The following MAD1L1 variants were observed in gnomAD, a reference collection of about 807,000 sequenced individuals.
MAD1L1 encodes mitotic arrest deficient 1 like 1, also known as mitotic spindle assembly checkpoint protein MAD1.
A neutral mutation model predicts 96.9 loss-of-function variants in MAD1L1; 95 were observed. That is an observed-to-expected ratio of 0.98 (90% CI 0.83 to 1.16). MAD1L1 has a LOEUF of 1.16. Among genes scored for constraint, MAD1L1 ranks in the 50% most tolerant of loss-of-function variants. The pLI is 0.00. For synonymous variants in MAD1L1, 473 were observed against 396.6 expected, an observed-to-expected ratio of 1.19 and a Z score of -2.29; for missense variants, 1,007 against 954.4, an observed-to-expected ratio of 1.06 and a Z score of -0.73.
chr7:1,895,841 C>T (rs886151130), intron 18 of MAD1L1, among the ~76,000 whole-genome samples: 54 of 152,256 alleles, frequency 3.5e-4, no homozygotes, highest in Non-Finnish European at 6.3e-4. Flanking sequence ...CAGGACAGGC[C>T]GTGGTCCAGA....
chr7:1,841,885 G>A (rs2128633002), intron 18 of MAD1L1, among the ~76,000 whole-genome samples: 1 of 152,298 alleles, frequency 6.6e-6, no homozygotes, highest in Admixed American at 6.5e-5. Flanking sequence ...CATCTCTGCT[G>A]GGAATGAGGT....
intron 18 of MAD1L1, chr7:1,846,360 C>T (rs990311012): frequency 1.3e-5 from 2 of 152,696 alleles, no homozygotes; most frequent in Non-Finnish European, 2.9e-5. Flanking sequence ...GGGGGTCAGC[C>T]CTCACGGACA....
intron 16 of MAD1L1, among the ~76,000 whole-genome samples, chr7:1,952,223 G>A (rs555123145): frequency 6.6e-6 from 1 of 152,338 alleles, no homozygotes; most frequent in Admixed American, 6.5e-5. Flanking sequence ...CGGCTGCCGG[G>A]AATCTGTGGA....
At chr7:1,881,551 C>A (rs1212005615) in intron 18 of MAD1L1, among the ~76,000 whole-genome samples, 3 of 152,182 alleles carry the variant, frequency 2.0e-5, no homozygotes, top group Admixed American at 6.5e-5. Context: ...GAGGAGCTGG[C>A]TAAATGTCCT....
At chr7:2,104,251 C>T (rs973322545) in intron 11 of MAD1L1, among the ~76,000 whole-genome samples, 7 of 152,354 alleles carry the variant, frequency 4.6e-5, no homozygotes, top group Non-Finnish European at 7.3e-5. Flanking sequence ...TGTGCACTGG[C>T]GGAGGCTGCT....
intron 18 of MAD1L1, among the ~76,000 whole-genome samples, chr7:1,872,051 A>T (rs1318988176): frequency 6.6e-6 from 1 of 152,098 alleles, no homozygotes; most frequent in African/African-American, 2.4e-5. Flanking sequence ...GCTCCTGCTG[A>T]CAGATACAGG....
At chr7:2,187,851 T>G (rs991194548) in intron 10 of MAD1L1, among the ~76,000 whole-genome samples, 3 of 152,218 alleles carry the variant, frequency 2.0e-5, no homozygotes, top group Non-Finnish European at 2.9e-5. Flanking sequence ...TGGTAGACAT[T>G]TTCTCAAAAA....
chr7:2,068,077 T>G (rs1385588664), intron 12 of MAD1L1, among the ~76,000 whole-genome samples: 2 of 152,212 alleles, frequency 1.3e-5, no homozygotes, highest in African/African-American at 4.8e-5. Flanking sequence ...CAGGGCTGGG[T>G]GTCCCCTCTG....
chr7:2,091,582 T>C (rs745651771), intron 11 of MAD1L1, among the ~76,000 whole-genome samples: 3 of 152,212 alleles, frequency 2.0e-5, no homozygotes, highest in Non-Finnish European at 4.4e-5. Flanking sequence ...GAGACCATAC[T>C]GGCTAACAGG....
intron 16 of MAD1L1, among the ~76,000 whole-genome samples, chr7:1,953,498 A>G (rs986075712): frequency 6.6e-6 from 1 of 152,236 alleles, no homozygotes; most frequent in African/African-American, 2.4e-5. Context: ...ATGAGGCCAC[A>G]TCGAGGAACG....
intron 15 of MAD1L1, among the ~76,000 whole-genome samples, chr7:1,971,831 G>A (rs569087471): frequency 7.1e-4 from 108 of 152,280 alleles, no homozygotes; most frequent in Non-Finnish European, 1.1e-3. Context: ...GACACCACAA[G>A]CTCCCCAGGT....
chr7:2,069,747 A>C (rs1375886756), intron 11 of MAD1L1, among the ~76,000 whole-genome samples: 1 of 152,214 alleles, frequency 6.6e-6, no homozygotes, highest in African/African-American at 2.4e-5. Flanking sequence ...TTCTAAAAAC[A>C]TTCTGTGAGG....
chr7:1,875,330 G>A (rs1167176883), intron 18 of MAD1L1, among the ~76,000 whole-genome samples: 4 of 152,204 alleles, frequency 2.6e-5, no homozygotes, highest in Admixed American at 2.0e-4. Context: ...AGCAGAAGCC[G>A]AGAGACCAAG....
chr7:2,106,298 G>C (rs1170736237), intron 11 of MAD1L1, among the ~76,000 whole-genome samples: 1 of 151,932 alleles, frequency 6.6e-6, no homozygotes, highest in African/African-American at 2.4e-5. Flanking sequence ...GTCCATCCCT[G>C]GAGACGGCCA....
intron 18 of MAD1L1, among the ~76,000 whole-genome samples, chr7:1,856,235 G>T (rs1784243792): frequency 6.6e-6 from 1 of 152,250 alleles, no homozygotes; most frequent in Admixed American, 6.5e-5. Flanking sequence ...CCGGGGAGGG[G>T]TGTGCCTGTG....
intron 11 of MAD1L1, among the ~76,000 whole-genome samples, chr7:2,130,123 G>A (rs997633185): frequency 1.3e-5 from 2 of 152,260 alleles, no homozygotes; most frequent in Non-Finnish European, 2.9e-5. Context: ...CACATGTCAG[G>A]AGGCAAATGC....
intron 16 of MAD1L1, among the ~76,000 whole-genome samples, chr7:1,947,586 G>A (rs1032851809): frequency 1.6e-5 from 2 of 123,572 alleles, no homozygotes; most frequent in Non-Finnish European, 3.6e-5. Context: ...CCTGCCCGTG[G>A]CCTTGCCTGC....
chr7:2,220,831 A>G, intron 5 of MAD1L1: 2 of 1,526,280 alleles, frequency 1.3e-6, no homozygotes, highest in Non-Finnish European at 8.9e-7. Context: ...TTAAAAACAT[A>G]CTAACAATAA....
intron 17 of MAD1L1, among the ~76,000 whole-genome samples, chr7:1,913,461 G>A (rs1788151937): frequency 6.6e-6 from 1 of 152,206 alleles, no homozygotes; most frequent in Non-Finnish European, 1.5e-5. Flanking sequence ...GTCGGGGGAG[G>A]CTCTCTGAGG....
Sources: allele counts gnomAD v4.1 joint callset (sites outside exome capture counted in the v4.1 genomes callset), GRCh38; gene constraint gnomAD v4.1.1; transcripts MANE v1.5; gene names NCBI Gene and HGNC (gene_info 2026-07-23, HGNC 2026-07-21).